Variants in CELF1 observed in about 807,000 individuals in gnomAD.
CELF1 encodes CUGBP Elav-like family member 1.
In CELF1, 10 loss-of-function variants were observed where a neutral mutation model predicts 61.8. The ratio of observed to expected loss-of-function variants is 0.16; its 90% CI spans 0.10 to 0.27. The LOEUF (loss-of-function observed/expected upper bound fraction) is 0.27, where lower values mean the gene tolerates loss of function less well. Among genes scored for constraint, CELF1 ranks in the 10% least tolerant of loss-of-function variants. The pLI is 1.00. For synonymous variants in CELF1, 236 were observed against 225.1 expected (o/e 1.05, Z -0.43); for missense variants, 380 against 639.1 (o/e 0.59, Z 4.37).
chr11:47,505,672 C>A (rs573827667), intron 1 of CELF1, among the ~76,000 whole-genome samples: 1 of 147,256 alleles, frequency 6.8e-6, no homozygotes, highest in African/African-American at 2.5e-5. Flanking sequence ...GTATGTTAGC[C>A]GGGCACAGTG....
intron 1 of CELF1, among the ~76,000 whole-genome samples, chr11:47,552,187 A>T (rs1275278321): frequency 6.6e-6 from 1 of 152,188 alleles, no homozygotes; most frequent in Non-Finnish European, 1.5e-5. Context: ...CATTTTGCGG[A>T]AACAGATTCC....
chr11:47,472,842 T>G (rs2078274005), intron 14 of CELF1, among the ~76,000 whole-genome samples: 1 of 152,226 alleles, frequency 6.6e-6, no homozygotes, highest in Admixed American at 6.5e-5. Context: ...CTGGACTGTT[T>G]AAAGGTTTTT....
chr11:47,516,679 C>A (rs2095573289), intron 1 of CELF1, among the ~76,000 whole-genome samples: 1 of 151,868 alleles, frequency 6.6e-6, no homozygotes, highest in Non-Finnish European at 1.5e-5. Flanking sequence ...TGGCTCACTG[C>A]AATCTCTGCC....
intron 1 of CELF1, among the ~76,000 whole-genome samples, chr11:47,525,015 T>C (rs1228053353): frequency 6.6e-6 from 1 of 152,188 alleles, no homozygotes; most frequent in East Asian, 1.9e-4. Flanking sequence ...TGAAAACCTT[T>C]ACTAGGTCAG....
intron 1 of CELF1, among the ~76,000 whole-genome samples, chr11:47,539,120 C>T (rs2153715355): frequency 6.6e-6 from 1 of 152,298 alleles, no homozygotes; most frequent in Non-Finnish European, 1.5e-5. Context: ...AACAAAAATT[C>T]TCTAAAACTG....
At chr11:47,481,076 C>G (rs2082739647) in intron 9 of CELF1, among the ~76,000 whole-genome samples, 1 of 124,876 alleles carries the variant, frequency 8.0e-6, no homozygotes, top group African/African-American at 2.9e-5. Flanking sequence ...CTAGGATAAA[C>G]TGGGGTTTTT....
exon 1 of CELF1, chr11:47,565,398 C>T (rs2097241810): frequency 3.2e-6 from 1 of 313,690 alleles, no homozygotes; most frequent in Non-Finnish European, 5.7e-6. Context: ...CGCCGGGGTC[C>T]CAGTTTCCCG....
At chr11:47,544,209 T>C (rs2096877108) in intron 1 of CELF1, among the ~76,000 whole-genome samples, 1 of 152,198 alleles carries the variant, frequency 6.6e-6, no homozygotes, top group Non-Finnish European at 1.5e-5. Context: ...TGCTCATCTA[T>C]GTATGGCACT....
At chr11:47,490,865 C>T (rs1290615322) in intron 3 of CELF1, among the ~76,000 whole-genome samples, 2 of 141,362 alleles carry the variant, frequency 1.4e-5, no homozygotes, top group Non-Finnish European at 3.1e-5. Context: ...TATTTTCTTT[C>T]TTTTTTTTTT....
intron 12 of CELF1, among the ~76,000 whole-genome samples, chr11:47,476,290 C>T (rs964898002): frequency 6.6e-6 from 1 of 152,120 alleles, no homozygotes; most frequent in African/African-American, 2.4e-5. Context: ...CTGTACCTGG[C>T]CTCATTTAAT....
intron 9 of CELF1, among the ~76,000 whole-genome samples, chr11:47,481,080 G>C (rs1379921126): frequency 2.4e-5 from 3 of 124,902 alleles, no homozygotes; most frequent in Non-Finnish European, 3.5e-5. Flanking sequence ...GATAAACTGG[G>C]GTTTTTTTTT....
chr11:47,485,264 T>G (rs2086033001), intron 6 of CELF1, among the ~76,000 whole-genome samples: 1 of 150,472 alleles, frequency 6.6e-6, no homozygotes, highest in Admixed American at 6.6e-5. Flanking sequence ...CACTACAGCC[T>G]TGACCTGCCG....
chr11:47,537,976 T>C (rs908843444), intron 1 of CELF1, among the ~76,000 whole-genome samples: 9 of 151,984 alleles, frequency 5.9e-5, no homozygotes, highest in Non-Finnish European at 1.2e-4. Flanking sequence ...CTGGAGTACA[T>C]TGGCACAATG....
In CELF1 at chr11:47,517,260, GAAAAAAAAAA is replaced by G. The variant is rs57071560; in HGVS notation, c.-153-16338_-153-16329del. Among the ~76,000 whole-genome samples the G allele has an allele frequency of 2.1e-4, 16 of 77,024 alleles. No homozygotes were observed. In the East Asian group the frequency reaches 4.1e-3, roughly 20 times the overall value. The allele number at this position is 77,024 out of a possible 152,430, so 50.5% of individuals were successfully genotyped here. ...GAGCCTGTCTAAAAAAACAAACAGA[GAAAAAAAAAA>G]AAAAAAAAAGACATGCCCTTTGAAT... On this transcript the variant is annotated intron_variant, in intron 1 of 14. Transcript: ENST00000687097.
At chr11:47,512,710 A>C (rs2095292961) in intron 1 of CELF1, among the ~76,000 whole-genome samples, 2 of 152,120 alleles carry the variant, frequency 1.3e-5, no homozygotes, top group Non-Finnish European at 2.9e-5. Flanking sequence ...ATTCTCTTTA[A>C]AGTATTACTT....
chr11:47,502,905 G>C (rs76193101), intron 1 of CELF1, among the ~76,000 whole-genome samples: 6,379 of 152,038 alleles, frequency 0.042, 436 homozygotes, highest in African/African-American at 0.15. Flanking sequence ...GACAGGAGGG[G>C]TTATAACCAA....
intron 1 of CELF1, among the ~76,000 whole-genome samples, chr11:47,548,085 G>A (rs1295131872): frequency 1.3e-5 from 2 of 152,100 alleles, no homozygotes; most frequent in Non-Finnish European, 2.9e-5. Flanking sequence ...TGGATCACGA[G>A]GTCTGGAGTT....
chr11:47,555,942 G>A (rs1045344618), upstream of CELF1, among the ~76,000 whole-genome samples: 6 of 149,242 alleles, frequency 4.0e-5, no homozygotes, highest in African/African-American at 1.5e-4. Flanking sequence ...GGTGGTTGCA[G>A]TGAGTCGAGA....
At chr11:47,543,133 G>A (rs897083075) in intron 1 of CELF1, among the ~76,000 whole-genome samples, 54 of 152,204 alleles carry the variant, frequency 3.5e-4, no homozygotes, top group African/African-American at 1.3e-3. Context: ...GGCCAGCATG[G>A]TAGCTCATGC....
Sources: allele counts gnomAD v4.1 joint callset (sites outside exome capture counted in the v4.1 genomes callset), GRCh38; gene constraint gnomAD v4.1.1; transcripts MANE v1.5; gene names NCBI Gene and HGNC (gene_info 2026-07-23, HGNC 2026-07-21).